Variants in PDE3A observed in about 807,000 individuals in gnomAD.
PDE3A encodes the protein cGMP-inhibited 3',5'-cyclic phosphodiesterase 3A.
A neutral mutation model predicts 98.3 loss-of-function variants in PDE3A; 43 were observed. That is an observed-to-expected ratio of 0.44 (90% CI 0.34 to 0.56). PDE3A has a LOEUF of 0.56. Ranked by LOEUF, PDE3A falls within the 20% of genes least tolerant of loss-of-function variation. PDE3A has a pLI of 0.01. For missense variants in PDE3A, 1,427 were observed against 1,440.7 expected (o/e 0.99, Z 0.15); for synonymous variants, 663 against 567.9 (o/e 1.17, Z -2.38).
intron 1 of PDE3A, among the ~76,000 whole-genome samples, chr12:20,518,574 A>T (rs969237954): frequency 3.3e-5 from 5 of 152,148 alleles, no homozygotes; most frequent in Admixed American, 6.5e-5. Context: ...ATTAAAAAAA[A>T]AGCCTTCCTA....
chr12:20,487,501 TAAAA>T (rs34671800), intron 1 of PDE3A, among the ~76,000 whole-genome samples: 6 of 61,998 alleles, frequency 9.7e-5, no homozygotes, highest in African/African-American at 2.6e-4. Context: ...CTGTCTCTAC[TAAAA>T]AAAAAAAAAA....
At chr12:20,586,042 A>G (rs1413805028) in intron 2 of PDE3A, among the ~76,000 whole-genome samples, 1 of 152,238 alleles carries the variant, frequency 6.6e-6, no homozygotes, top group Non-Finnish European at 1.5e-5. Context: ...AAAACAGGTT[A>G]GCAAAGGCCT....
At chr12:20,492,274 G>T (rs1309276785) in intron 1 of PDE3A, among the ~76,000 whole-genome samples, 1 of 152,158 alleles carries the variant, frequency 6.6e-6, no homozygotes, top group Non-Finnish European at 1.5e-5. Context: ...GTGAGCCACT[G>T]CAGCAGTCCT....
At chr12:20,590,791 G>C (rs1285818654) in intron 2 of PDE3A, among the ~76,000 whole-genome samples, 1 of 152,132 alleles carries the variant, frequency 6.6e-6, no homozygotes, top group Non-Finnish European at 1.5e-5. Context: ...ATGAATTCAT[G>C]AATAAATGTT....
intron 1 of PDE3A, among the ~76,000 whole-genome samples, chr12:20,379,427 G>A (rs1355205399): frequency 6.6e-6 from 1 of 151,698 alleles, no homozygotes; most frequent in Non-Finnish European, 1.5e-5. Context: ...AGAGCCTGCT[G>A]AACTGCTTAT....
chr12:20,516,274 G>A (rs1946322441), intron 1 of PDE3A, among the ~76,000 whole-genome samples: 1 of 152,042 alleles, frequency 6.6e-6, no homozygotes, highest in African/African-American at 2.4e-5. Context: ...GATACCTCCA[G>A]GTCTTGCTTT....
chr12:20,431,162 T>TA (rs1213261992), intron 1 of PDE3A, among the ~76,000 whole-genome samples: 6 of 152,300 alleles, frequency 3.9e-5, no homozygotes, highest in African/African-American at 1.4e-4. Flanking sequence ...ATTCTATAAT[T>TA]ACGTCTGAAA....
At chr12:20,448,102 G>T (rs10841532) in intron 1 of PDE3A, among the ~76,000 whole-genome samples, 7 of 151,984 alleles carry the variant, frequency 4.6e-5, no homozygotes, top group Admixed American at 4.6e-4. Context: ...ACAGCGAGGA[G>T]CCCATTAACC....
intron 1 of PDE3A, among the ~76,000 whole-genome samples, chr12:20,533,782 G>A (rs145433007): frequency 6.6e-6 from 1 of 151,658 alleles, no homozygotes; most frequent in Non-Finnish European, 1.5e-5. Context: ...CACCGCGCCC[G>A]GCCCCCACTT....
chr12:20,369,756 C>T lies in PDE3A; in HGVS notation c.472C>T (p.Pro158Ser), dbSNP rs1362768767. Reference sequence around the variant, plus strand: ...CCTCCTGCGCGCCGGGGTGCGCCTGCCTCTGGCTGTCGCGCTGCTGGCCGC... The same window carrying T: ...CCTCCTGCGCGCCGGGGTGCGCCTGTCTCTGGCTGTCGCGCTGCTGGCCGC... ...LYLLRAGVRL[P>S]LAVALLAACC... The change falls in exon 1 of 16, where the codon CCT becomes TCT. Residue 158 changes from proline (P) to serine (S), a missense_variant. Around this residue, in one of 3 missense-constraint regions of PDE3A, gnomAD observed 1,012 missense variants for 886.5 expected, o/e 1.14. Transcript: ENST00000359062. 1.9e-6 allele frequency: 3 copies of T among 1,612,586 alleles called. No individual in the cohort carries two copies. Among genetic ancestry groups the T allele is most frequent in the East Asian group, 4.5e-5 (2 of 44,782 alleles).
At position 20,627,896 on chromosome 12, in the gene PDE3A, G is replaced by A. The variant is rs962353792; in HGVS notation, c.1541-2012G>A. On this transcript the variant is annotated intron_variant, in intron 5 of 15. Transcript: ENST00000359062. The stretch of plus-strand genomic sequence containing the variant: ...TCATACTAGGATTCAGCTCCTTAAC[G>A]GCTACAGTGCCTTTCTAAGATTATC... Among the ~76,000 whole-genome samples the A allele has an allele frequency of 4.6e-5, 7 of 152,164 alleles. No individual in the cohort carries two copies. The South Asian group carries it at 8.3e-4, about 18-fold the overall frequency.
intron 1 of PDE3A, among the ~76,000 whole-genome samples, chr12:20,438,354 T>C (rs191288269): frequency 5.8e-4 from 88 of 152,310 alleles, no homozygotes; most frequent in African/African-American, 1.9e-3. Flanking sequence ...AAGGCAGGGT[T>C]GTCAGGGCTG....
chr12:20,607,179 C>T (rs775559446), intron 2 of PDE3A, among the ~76,000 whole-genome samples: 18 of 151,888 alleles, frequency 1.2e-4, no homozygotes, highest in Non-Finnish European at 2.5e-4. Flanking sequence ...TGGCTAACAC[C>T]TTTAATTTCA....
At chr12:20,639,420 T>C (rs1173138522) in intron 9 of PDE3A, among the ~76,000 whole-genome samples, 1 of 152,128 alleles carries the variant, frequency 6.6e-6, no homozygotes, top group Non-Finnish European at 1.5e-5. Context: ...CAAATGTAGT[T>C]TCATATGACT....
At chr12:20,661,218 G>A (rs571719468) in intron 15 of PDE3A, among the ~76,000 whole-genome samples, 11 of 152,074 alleles carry the variant, frequency 7.2e-5, no homozygotes, top group African/African-American at 2.4e-4. Flanking sequence ...GATGATTTAC[G>A]GTATCTGGTG....
intron 4 of PDE3A, among the ~76,000 whole-genome samples, chr12:20,619,546 T>G (rs2121475214): frequency 6.6e-6 from 1 of 152,156 alleles, no homozygotes; most frequent in Admixed American, 6.6e-5. Context: ...AGTTAGTCAA[T>G]CCAGCAAAAT....
At chr12:20,644,767 G>A (rs980618467) in intron 10 of PDE3A, among the ~76,000 whole-genome samples, 12 of 151,462 alleles carry the variant, frequency 7.9e-5, no homozygotes, top group Non-Finnish European at 1.6e-4. Context: ...ATTGACACAG[G>A]TATACAAGTT....
At chr12:20,650,631 C>G (rs1473313830) in intron 14 of PDE3A, 31 bp downstream of exon 14, 2 of 1,462,208 alleles carry the variant, frequency 1.4e-6, no homozygotes, top group Non-Finnish European at 1.9e-6. Flanking sequence ...ACAGCTTAAT[C>G]TGTACTTACA....
At chr12:20,474,258 T>C (rs1314664833) in intron 1 of PDE3A, among the ~76,000 whole-genome samples, 1 of 152,220 alleles carries the variant, frequency 6.6e-6, no homozygotes, top group Non-Finnish European at 1.5e-5. Flanking sequence ...TTTGTTTTTG[T>C]TCACTTTATT....
Sources: allele counts gnomAD v4.1 joint callset (sites outside exome capture counted in the v4.1 genomes callset), GRCh38; gene constraint gnomAD v4.1.1; regional missense constraint gnomAD v4.1.1; transcripts MANE v1.5; gene names NCBI Gene and HGNC (gene_info 2026-07-23, HGNC 2026-07-21).